The following CPA6 variants were observed in gnomAD, a reference collection of about 807,000 sequenced individuals.
CPA6 encodes the protein carboxypeptidase A6, also known as carboxypeptidase B.
A neutral mutation model predicts 63.3 loss-of-function variants in CPA6; 58 were observed. The observed-to-expected ratio is 0.92, with a 90% CI of 0.74 to 1.14. CPA6 has a LOEUF of 1.14. Ranked by LOEUF, CPA6 falls within the 50% of genes most tolerant of loss-of-function variation. The pLI is 0.00. For missense variants in CPA6, 565 were observed against 526.6 expected, an observed-to-expected ratio of 1.07 and a Z score of -0.71; for synonymous variants, 185 against 179.0, an observed-to-expected ratio of 1.03 and a Z score of -0.27.
intron 1 of CPA6, among the ~76,000 whole-genome samples, chr8:67,719,990 C>T (rs1170988079): frequency 1.3e-5 from 2 of 152,064 alleles, no homozygotes; most frequent in East Asian, 3.9e-4. Context: ...TGTGAAGAGA[C>T]CACCAAACAG....
intron 2 of CPA6, among the ~76,000 whole-genome samples, chr8:67,554,924 C>T (rs1490043696): frequency 6.6e-6 from 1 of 152,220 alleles, no homozygotes; most frequent in African/African-American, 2.4e-5. Context: ...TCTCCAGAAA[C>T]ACCCCCACAG....
At chr8:67,684,985 A>G (rs1489845458) in intron 1 of CPA6, among the ~76,000 whole-genome samples, 2 of 151,956 alleles carry the variant, frequency 1.3e-5, no homozygotes, top group Non-Finnish European at 2.9e-5. Flanking sequence ...ATACATTCCC[A>G]ACTTGCCCAT....
chr8:67,432,332 G>A (rs753373058), intron 9 of CPA6, among the ~76,000 whole-genome samples: 7 of 152,160 alleles, frequency 4.6e-5, no homozygotes, highest in Admixed American at 1.3e-4. Flanking sequence ...TTTGGAGAGC[G>A]TTTGGATTAA....
intron 1 of CPA6, among the ~76,000 whole-genome samples, chr8:67,638,205 C>G (rs905706377): frequency 3.3e-5 from 5 of 151,116 alleles, no homozygotes; most frequent in Admixed American, 3.3e-4. Flanking sequence ...ACCACAGACT[C>G]CCATGTAAAG....
chr8:67,733,222 AAAT>A (rs544228675), intron 1 of CPA6, among the ~76,000 whole-genome samples: 9,133 of 53,192 alleles, frequency 0.17, 1,484 homozygotes, highest in Non-Finnish European at 0.24. Flanking sequence ...AAAAAAAAAA[AAAT>A]AAAAAAATTT....
At chr8:67,727,913 C>A (rs1420956050) in intron 1 of CPA6, among the ~76,000 whole-genome samples, 4 of 151,828 alleles carry the variant, frequency 2.6e-5, no homozygotes, top group African/African-American at 7.3e-5. Context: ...CTCGTCTCTA[C>A]TGAAAACACA....
At chr8:67,694,598 A>G (rs1319735203) in intron 1 of CPA6, among the ~76,000 whole-genome samples, 4 of 152,226 alleles carry the variant, frequency 2.6e-5, no homozygotes, top group Non-Finnish European at 5.9e-5. Context: ...TTAAATGCCC[A>G]TGGTCTCCAC....
chr8:67,633,509 G>A (rs986975502), intron 1 of CPA6, among the ~76,000 whole-genome samples: 14 of 151,956 alleles, frequency 9.2e-5, no homozygotes, highest in South Asian at 2.1e-4. Context: ...GTGAAACCTC[G>A]TCTCTATTAA....
intron 8 of CPA6, among the ~76,000 whole-genome samples, chr8:67,439,025 T>C (rs1810227304): frequency 1.3e-5 from 2 of 152,166 alleles, no homozygotes. Context: ...CCAGCTGCAA[T>C]GGCTTACACC....
intron 1 of CPA6, among the ~76,000 whole-genome samples, chr8:67,699,947 T>C (rs1262849891): frequency 2.0e-5 from 3 of 152,212 alleles, no homozygotes; most frequent in Admixed American, 2.0e-4. Flanking sequence ...TCCTCTACAA[T>C]TGTATGTAAA....
At chr8:67,684,598 G>A (rs1010151921) in intron 1 of CPA6, among the ~76,000 whole-genome samples, 1 of 152,094 alleles carries the variant, frequency 6.6e-6, no homozygotes, top group Non-Finnish European at 1.5e-5. Context: ...AAGATTGGCC[G>A]GATGCCTGGA....
intron 5 of CPA6, among the ~76,000 whole-genome samples, chr8:67,507,582 A>G (rs1811956685): frequency 6.6e-6 from 1 of 152,142 alleles, no homozygotes. Flanking sequence ...CTTCACAAAT[A>G]TTTCAGGAAA....
In CPA6 at chr8:67,594,840, TCA is replaced by T. The variant is rs1388735475; in HGVS notation, c.192+29334_192+29335del. Among the ~76,000 whole-genome samples the T allele has an allele frequency of 3.9e-5, 6 of 152,220 alleles. No homozygotes were observed. The South Asian group carries it at 8.3e-4, about 21-fold the overall frequency. On this transcript the variant is annotated intron_variant, in intron 2 of 10. Coordinates refer to ENST00000297770, the MANE Select transcript of CPA6 (RefSeq NM_020361.5). Reference sequence around the variant, plus strand: ...TTTGGTTTGAATTTCCTCCTGTAGCTCAGAGTAGTTTGATCGTCTGAAGCCTT... The same window carrying T: ...TTTGGTTTGAATTTCCTCCTGTAGCTGAGTAGTTTGATCGTCTGAAGCCTT...
intron 6 of CPA6, among the ~76,000 whole-genome samples, chr8:67,487,842 T>C (rs1025207215): frequency 7.2e-5 from 11 of 152,256 alleles, no homozygotes; most frequent in African/African-American, 1.4e-4. Context: ...GTCTTTTGGA[T>C]GCATAAATGT....
chr8:67,639,620 C>T (rs1815544949), intron 1 of CPA6, among the ~76,000 whole-genome samples: 2 of 151,632 alleles, frequency 1.3e-5, no homozygotes, highest in Non-Finnish European at 2.9e-5. Context: ...AAGAGGGTAT[C>T]ACAGCCCTGG....
At chr8:67,695,567 C>T (rs1321848890) in intron 1 of CPA6, among the ~76,000 whole-genome samples, 2 of 152,240 alleles carry the variant, frequency 1.3e-5, no homozygotes, top group African/African-American at 4.8e-5. Flanking sequence ...TTCTACACAG[C>T]ATTACTTCTG....
chr8:67,654,584 G>A (rs565269965), intron 1 of CPA6, among the ~76,000 whole-genome samples: 7 of 152,222 alleles, frequency 4.6e-5, no homozygotes, highest in African/African-American at 1.4e-4. Context: ...GGGATCGGTG[G>A]TGATATCCCC....
intron 1 of CPA6, among the ~76,000 whole-genome samples, chr8:67,650,164 T>C (rs1815804272): frequency 6.6e-6 from 1 of 152,180 alleles, no homozygotes; most frequent in Non-Finnish European, 1.5e-5. Flanking sequence ...GTGAGACTGC[T>C]GGCTGTATAA....
intron 8 of CPA6, among the ~76,000 whole-genome samples, chr8:67,437,264 G>A (rs558499518): frequency 2.0e-5 from 3 of 152,272 alleles, no homozygotes; most frequent in Admixed American, 1.3e-4. Context: ...GTGTGGTGGC[G>A]GGGGCCTGTA....
Sources: allele counts gnomAD v4.1 joint callset (sites outside exome capture counted in the v4.1 genomes callset), GRCh38; gene constraint gnomAD v4.1.1; transcripts MANE v1.5; gene names NCBI Gene and HGNC (gene_info 2026-07-23, HGNC 2026-07-21).